CRAMP1: variants seen among roughly 807,000 people sequenced by gnomAD.
CRAMP1 encodes the protein protein cramped-like.
A neutral mutation model predicts 115.4 loss-of-function variants in CRAMP1; 50 were observed. That is an observed-to-expected ratio of 0.43 (90% CI 0.35 to 0.55). The LOEUF (loss-of-function observed/expected upper bound fraction) is 0.55, where lower values mean the gene tolerates loss of function less well. Among genes scored for constraint, CRAMP1 ranks in the 20% least tolerant of loss-of-function variants. CRAMP1 has a pLI of 0.01. For synonymous variants in CRAMP1, 866 were observed against 745.4 expected (o/e 1.16, Z -2.64); for missense variants, 1,679 against 1,721.7 (o/e 0.98, Z 0.44).
Position 1,637,862 on chromosome 16 carries a change from T to C in CRAMP1, c.733T>C (p.Tyr245His). ...CCTGAAGAAGTCATCCCAGGAACTG[T>C]ATGGCCTGATCTGCTATGGCGAGCT... ...RGLKKSSQEL[Y>H]GLICYGELRK... The change falls in exon 5 of 21, where the codon TAT becomes CAT. Residue 245 changes from tyrosine (Y) to histidine (H), a missense_variant. Tyr to His is a moderately conservative substitution (Grantham distance 83). Coordinates refer to ENST00000397412, the MANE Select transcript of CRAMP1 (RefSeq NM_020825.4). 6.4e-7 allele frequency: 1 copy of C among 1,571,684 alleles called. No homozygotes were observed. The highest frequency in any genetic ancestry group is 8.6e-7 in the Non-Finnish European group (1 of 1,161,182).
chr16:1,613,265 T>C (rs1457633124), intron 1 of CRAMP1, among the ~76,000 whole-genome samples: 1 of 140,700 alleles, frequency 7.1e-6, no homozygotes, highest in Non-Finnish European at 1.5e-5. Flanking sequence ...TAGCATGAAC[T>C]CGAGATTCCC....
intron 2 of CRAMP1, among the ~76,000 whole-genome samples, chr16:1,618,139 G>C (rs1337233221): frequency 6.6e-6 from 1 of 152,204 alleles, no homozygotes; most frequent in Non-Finnish European, 1.5e-5. Context: ...TCATGATCCA[G>C]CTAGCCCTGG....
At chr16:1,627,983 T>C (rs1400014304) in intron 3 of CRAMP1, among the ~76,000 whole-genome samples, 3 of 152,206 alleles carry the variant, frequency 2.0e-5, no homozygotes, top group African/African-American at 7.2e-5. Flanking sequence ...GAGCAGGAGA[T>C]GTGGTTGTCC....
In CRAMP1 at chr16:1,655,200, C is replaced by G; in HGVS notation, c.1038-19C>G. On this transcript the variant is annotated intron_variant, in intron 8 of 20. Coordinates refer to ENST00000397412, the MANE Select transcript of CRAMP1 (RefSeq NM_020825.4). ...CCTGTTCTGCGAACCTCACTTCCTCCTGTCTGTCGTCTCCGTAGGATGATC... is the reference window on the plus strand; with the variant it reads ...CCTGTTCTGCGAACCTCACTTCCTCGTGTCTGTCGTCTCCGTAGGATGATC... 6.2e-7 allele frequency: 1 copy of G among 1,605,832 alleles called. No homozygotes were observed. Among genetic ancestry groups the G allele is most frequent in the East Asian group, 2.2e-5 (1 of 44,850 alleles).
rs1247388324 is a variant in CRAMP1 at position 1,656,953 on chromosome 16, C to T, written c.2196C>T (p.Cys732=). The change falls in exon 10 of 21, where the codon TGC becomes TGT. Residue 732 remains cysteine (C), a synonymous_variant. Coordinates refer to ENST00000397412, the MANE Select transcript of CRAMP1 (RefSeq NM_020825.4). The surrounding 1 kb of genome is among the most constrained non-coding windows in gnomAD (Gnocchi z 5.6). ...TALHKQRLLS[C]LLKLISTEVN... is the part of the protein sequence containing the mutation. ...TCCACAAGCAGCGCCTCCTCAGCTGCCTCCTGAAGCTCATTTCCACCGAGG... is the reference window on the plus strand; with the variant it reads ...TCCACAAGCAGCGCCTCCTCAGCTGTCTCCTGAAGCTCATTTCCACCGAGG... The T allele has an allele frequency of 6.4e-7, 1 of 1,555,642 alleles. No individual in the cohort carries two copies. The highest frequency in any genetic ancestry group is 8.7e-7 in the Non-Finnish European group (1 of 1,149,066).
At chr16:1,659,361 G>A (rs2036803566) in intron 10 of CRAMP1, among the ~76,000 whole-genome samples, 1 of 151,984 alleles carries the variant, frequency 6.6e-6, no homozygotes, top group African/African-American at 2.4e-5. Flanking sequence ...TACCTGACCA[G>A]TGACTTTTAT....
At chr16:1,665,834 C>T (rs1047791748) in intron 14 of CRAMP1, 8 of 535,634 alleles carry the variant, frequency 1.5e-5, no homozygotes, top group South Asian at 2.3e-5. Flanking sequence ...CAGTGGTGAC[C>T]GCAGCCTTCC....
intron 4 of CRAMP1, among the ~76,000 whole-genome samples, chr16:1,634,516 G>A (rs1347838125): frequency 6.6e-6 from 1 of 151,740 alleles, no homozygotes; most frequent in Non-Finnish European, 1.5e-5. Context: ...ACCCAACACA[G>A]GTCCTTTTCC....
At chr16:1,665,184 C>A in intron 14 of CRAMP1, 46 bp downstream of exon 14, 1 of 1,219,844 alleles carries the variant, frequency 8.2e-7, no homozygotes, top group Non-Finnish European at 1.2e-6. Flanking sequence ...CTCCTCCTCA[C>A]AGGAGGGCCT....
chr16:1,657,833 C>G (rs149244457), intron 10 of CRAMP1, among the ~76,000 whole-genome samples: 2 of 152,134 alleles, frequency 1.3e-5, no homozygotes, highest in African/African-American at 4.8e-5. Flanking sequence ...TGAAATGGCA[C>G]GTTTAGGGGC....
chr16:1,659,022 G>A (rs1331876570), intron 10 of CRAMP1, among the ~76,000 whole-genome samples: 1 of 152,074 alleles, frequency 6.6e-6, no homozygotes, highest in Non-Finnish European at 1.5e-5. Context: ...AGGCTGTGGC[G>A]TGGGCCTGCA....
In CRAMP1 at chr16:1,617,690, A is replaced by G. The variant is rs530605431; in HGVS notation, c.346+2705A>G. Among the ~76,000 whole-genome samples the G allele has an allele frequency of 1.1e-4, 16 of 152,356 alleles. No individual in the cohort carries two copies. The East Asian group carries it at 3.1e-3, about 29-fold the overall frequency. On this transcript the variant is annotated intron_variant, in intron 2 of 20. Coordinates refer to ENST00000397412, the MANE Select transcript of CRAMP1 (RefSeq NM_020825.4). ...AGACTCTTACAGTGAATTTGGAAGA[A>G]AGGACTTGTGGAGAAAAGGAAAGTC...
intron 9 of CRAMP1, 88 bp downstream of exon 9, chr16:1,655,388 T>TGGTCCC: frequency 2.8e-6 from 3 of 1,062,362 alleles, no homozygotes; most frequent in Non-Finnish European, 1.5e-6. Context: ...CCTGTCATCG[T>TGGTCCC]CATGGTCCCC....
Position 1,666,459 on chromosome 16 carries a change from T to C in CRAMP1, c.2895T>C (p.Leu965=). ...IDLAATSAGI[L]SGNPLPALDT... ...TAGCAGCTACAAGTGCCGGCATCCT[T>C]TCCGGGAACCCCCTCCCTGCCTTGG... Residue 965 remains leucine, a synonymous_variant, in exon 16 of 21, where the codon CTT becomes CTC. Coordinates refer to ENST00000397412, the MANE Select transcript of CRAMP1 (RefSeq NM_020825.4). The surrounding 1 kb of genome is among the most constrained non-coding windows in gnomAD (Gnocchi z 5.0). The C allele has an allele frequency of 1.2e-6, 2 of 1,613,846 alleles. No homozygotes were observed. The highest frequency in any genetic ancestry group is 1.7e-5 in the Admixed American group (1 of 60,002).
chr16:1,643,192 G>A (rs1445313081), intron 6 of CRAMP1, among the ~76,000 whole-genome samples: 1 of 152,198 alleles, frequency 6.6e-6, no homozygotes, highest in Non-Finnish European at 1.5e-5. Context: ...GTTGTGGCTT[G>A]CAGGACTAGA....
chr16:1,666,469 C>A lies in CRAMP1; in HGVS notation c.2905C>A (p.Pro969Thr), dbSNP rs752700402. 3.1e-6 allele frequency: 5 copies of A among 1,613,888 alleles called. No individual in the cohort carries two copies. Among genetic ancestry groups the A allele is most frequent in the Non-Finnish European group, 2.5e-6 (3 of 1,179,840 alleles). The change falls in exon 16 of 21, where the codon CCC (proline) becomes ACC (threonine). Residue 969 changes from proline to threonine, a missense_variant. Physicochemically the swap from Pro to Thr is conservative, Grantham distance 38 (BLOSUM62 -1). Coordinates refer to ENST00000397412, the MANE Select transcript of CRAMP1 (RefSeq NM_020825.4). The surrounding 1 kb of genome is among the most constrained non-coding windows in gnomAD (Gnocchi z 5.0). ...ATSAGILSGN[P>T]LPALDTEGLS... ...AAGTGCCGGCATCCTTTCCGGGAAC[C>A]CCCTCCCTGCCTTGGACACCGAGGG...
Position 1,614,630 on chromosome 16 carries a change from CG to C in CRAMP1, c.-1-7del. 8.1e-7 allele frequency: 1 copy of C among 1,240,764 alleles called. No homozygotes were observed. The highest frequency in any genetic ancestry group is 1.0e-6 in the Non-Finnish European group (1 of 987,280). The allele number at this position is 1,240,764 out of a possible 1,614,324, so 76.9% of individuals were successfully genotyped here. A position where few individuals can be genotyped will look rare whatever the true frequency, so the allele number is the denominator to read the frequency against. On this transcript the variant is annotated splice_polypyrimidine_tract_variant and splice_region_variant and intron_variant, in intron 1 of 20. Transcript: ENST00000397412. This position sits in a 1 kb window ranked among gnomAD's most constrained non-coding sequence, Gnocchi z 4.4. ...GCCTCACCGGCCGCCTCCCCTCTCC[CG>C]GCCGCAGGATGACAGTGAAGTTGGG...
intron 13 of CRAMP1, among the ~76,000 whole-genome samples, chr16:1,663,562 T>C (rs1256628935): frequency 6.6e-6 from 1 of 152,210 alleles, no homozygotes; most frequent in Non-Finnish European, 1.5e-5. Context: ...GACTGTTGTT[T>C]TGTTTAATTT....
intron 4 of CRAMP1, among the ~76,000 whole-genome samples, chr16:1,636,110 C>T (rs999925859): frequency 6.6e-6 from 1 of 152,294 alleles, no homozygotes; most frequent in East Asian, 1.9e-4. Flanking sequence ...GTGGCTCACG[C>T]CTGTAATCCC....
Sources: gnomAD v4.1 joint callset for allele counts (sites outside exome capture counted in the v4.1 genomes callset) on GRCh38, gnomAD v4.1.1 for gene constraint, Gnocchi (gnomAD v3.1) non-coding constraint, MANE v1.5 for transcripts, NCBI Gene and HGNC (gene_info 2026-07-23, HGNC 2026-07-21) for gene names.